MTRR: variants seen among roughly 807,000 people sequenced by gnomAD.
MTRR encodes methionine synthase reductase.
MTRR carries 63 observed loss-of-function variants against 79.2 expected under a neutral mutation model. The observed-to-expected ratio is 0.80, with a 90% CI of 0.65 to 0.98. MTRR has a LOEUF of 0.98. Among genes scored for constraint, MTRR ranks in the 50% least tolerant of loss-of-function variants. The pLI is 0.00. For missense variants in MTRR, 895 were observed against 839.6 expected (o/e 1.07, Z -0.82); for synonymous variants, 355 against 313.3 (o/e 1.13, Z -1.41).
chr5:7,883,785 C>T (rs545656663), intron 6 of MTRR, among the ~76,000 whole-genome samples: 1 of 152,214 alleles, frequency 6.6e-6, no homozygotes, highest in Admixed American at 6.5e-5. Context: ...CTGGCTTACT[C>T]AATAAGCCAT....
At chr5:7,879,975 A>AC (rs1173902461) in intron 5 of MTRR, among the ~76,000 whole-genome samples, 4 of 152,188 alleles carry the variant, frequency 2.6e-5, no homozygotes, top group African/African-American at 4.8e-5. Context: ...GGAATGTGCT[A>AC]CCCACAGATC....
intron 1 of MTRR, among the ~76,000 whole-genome samples, chr5:7,853,788 C>T (rs1304446082): frequency 6.6e-6 from 1 of 152,222 alleles, no homozygotes; most frequent in Non-Finnish European, 1.5e-5. Context: ...ACCACTGCCC[C>T]AGGGCCTCAC....
chr5:7,868,473 T>A (rs1747231922), upstream of MTRR, among the ~76,000 whole-genome samples: 1 of 152,160 alleles, frequency 6.6e-6, no homozygotes, highest in Admixed American at 6.5e-5. Context: ...GCAATGTAGC[T>A]CTTAAGGGTG....
intron 4 of MTRR, among the ~76,000 whole-genome samples, chr5:7,875,854 G>A (rs1434817639): frequency 1.3e-5 from 2 of 152,204 alleles, no homozygotes; most frequent in East Asian, 1.9e-4. Flanking sequence ...ACGGCCATTT[G>A]CCACCATGCC....
At chr5:7,881,161 G>A (rs1579685870) in intron 5 of MTRR, among the ~76,000 whole-genome samples, 2 of 152,006 alleles carry the variant, frequency 1.3e-5, no homozygotes, top group African/African-American at 4.8e-5. Context: ...TTTGTGGGCT[G>A]CCCATTTTTT....
At chr5:7,894,538 T>A (rs1738176831) in intron 11 of MTRR, among the ~76,000 whole-genome samples, 1 of 152,188 alleles carries the variant, frequency 6.6e-6, no homozygotes. Flanking sequence ...TGTCACAGGA[T>A]CTTTGTACAT....
intron 1 of MTRR, 159 bp downstream of exon 1, chr5:7,869,374 C>G (rs1374641225): frequency 2.7e-6 from 2 of 749,690 alleles, no homozygotes; most frequent in East Asian, 2.7e-5. Flanking sequence ...GGCTGGGGCT[C>G]GGACTTGGCC....
At position 7,857,850 on chromosome 5, in the gene MTRR, G is replaced by A. The variant is rs1746295984; in HGVS notation, n.392-4101G>A. ...AAATGAGACAGGATCAGCAGAGGCT[G>A]TAAGTGAAAACTGCAGAAGGAGGAG... On this transcript the variant is annotated intron_variant and non_coding_transcript_variant, in intron 1 of 3. Transcript: ENST00000502509. Among the ~76,000 whole-genome samples the A allele has an allele frequency of 3.3e-5, 5 of 152,348 alleles. No individual in the cohort carries two copies. In the South Asian group the frequency reaches 1.0e-3, roughly 32 times the overall value.
chr5:7,875,221 C>T (rs1748672057), intron 3 of MTRR, 37 bp from the exon 4 acceptor site: 1 of 1,378,980 alleles, frequency 7.3e-7, no homozygotes, highest in South Asian at 1.2e-5. Context: ...TAAATTTAAA[C>T]TTTATTGTGC....
chr5:7,873,592 T>A, intron 3 of MTRR, 66 bp downstream of exon 3: 4 of 1,549,282 alleles, frequency 2.6e-6, no homozygotes, highest in Non-Finnish European at 3.6e-6. Flanking sequence ...CTGAATTATC[T>A]TTCAGAACTA....
At chr5:7,877,703 C>T (rs527994924) in intron 4 of MTRR, among the ~76,000 whole-genome samples, 1 of 152,214 alleles carries the variant, frequency 6.6e-6, no homozygotes, top group Non-Finnish European at 1.5e-5. Context: ...ATCTTCCTAT[C>T]CCTCTTCATT....
At chr5:7,863,338 G>C (rs534474891) in intron 2 of MTRR, 65 of 257,966 alleles carry the variant, frequency 2.5e-4, no homozygotes, top group African/African-American at 1.5e-3. Flanking sequence ...TTAGAACTGA[G>C]AATTGTCCCA....
In MTRR at chr5:7,897,373, G is replaced by A. The variant is rs1738718707; in HGVS notation, c.1952+126G>A. On this transcript the variant is annotated intron_variant, in intron 14 of 14. Coordinates refer to ENST00000440940, the MANE Select transcript of MTRR (RefSeq NM_002454.3). ...TAAGACATTTGATTCTTAAGTACAG[G>A]AATAGAAATAACAGTTCTGAAATGA... The A allele has an allele frequency of 3.1e-6, 3 of 975,952 alleles. No homozygotes were observed. In the Admixed American group the frequency reaches 5.8e-5, roughly 19 times the overall value. 60.5% of individuals were successfully genotyped at this position (975,952 alleles called of 1,614,324 possible).
intron 11 of MTRR, 93 bp downstream of exon 11, chr5:7,893,006 C>T (rs1013830890): frequency 1.1e-4 from 162 of 1,409,312 alleles, no homozygotes; most frequent in Non-Finnish European, 1.4e-4. Context: ...TCATTCATTA[C>T]TGTCATAAGA....
Position 7,895,837 on chromosome 5 carries a change from G to A in MTRR, c.1661G>A (p.Gly554Glu). 6.2e-7 allele frequency: 1 copy of A among 1,614,054 alleles called. No individual in the cohort carries two copies. Among genetic ancestry groups the A allele is most frequent in the Non-Finnish European group, 8.5e-7 (1 of 1,179,970 alleles). ...GGAACCGGCATAGCCCCGTTTATTG[G>A]GTTCCTACAACATAGGTATGTTCTT... ...GPGTGIAPFI[G>E]FLQHREKLQE... Residue 554 changes from glycine to glutamate, a missense_variant, in exon 12 of 15, where the codon GGG becomes GAG. Gly to Glu is a moderately conservative substitution (Grantham distance 98). Coordinates refer to ENST00000440940, the MANE Select transcript of MTRR (RefSeq NM_002454.3).
At chr5:7,887,762 GTGTA>G (rs1395299726) in intron 8 of MTRR, among the ~76,000 whole-genome samples, 5 of 142,358 alleles carry the variant, frequency 3.5e-5, no homozygotes, top group South Asian at 2.2e-4. Flanking sequence ...ATATATGTGT[GTGTA>G]TGTATATATT....
intron 3 of MTRR, among the ~76,000 whole-genome samples, chr5:7,874,551 A>G (rs76730653): frequency 0.04 from 6,048 of 151,786 alleles, 275 homozygotes; most frequent in East Asian, 0.21. Flanking sequence ...TTGTAGAGAA[A>G]GAACATGGAG....
upstream of MTRR, chr5:7,868,849 A>G: frequency 1.9e-6 from 1 of 532,918 alleles, no homozygotes; most frequent in East Asian, 3.3e-5. Flanking sequence ...CGGGGCGAGC[A>G]CCCCCAAACT....
Position 7,900,251 on chromosome 5 carries a change from C to A in MTRR, c.*193C>A. ...TTTGATTTTACGTATCTTCTATCTA[C>A]GCCCTTCCTGTGCCTGTGACTCTCC... is the stretch of plus-strand genomic sequence containing the variant. On this transcript the variant is annotated 3_prime_UTR_variant, in exon 15 of 15. Coordinates refer to ENST00000440940, the MANE Select transcript of MTRR (RefSeq NM_002454.3). 2 of 646,982 alleles carry A rather than the reference C, an allele frequency of 3.1e-6. No homozygotes were observed. The highest frequency in any genetic ancestry group is 5.1e-6 in the Non-Finnish European group (2 of 393,404). 40.1% of individuals were successfully genotyped at this position (646,982 alleles called of 1,614,324 possible). A position where few individuals can be genotyped will look rare whatever the true frequency, so the allele number is the denominator to read the frequency against.
Sources: allele counts gnomAD v4.1 joint callset (sites outside exome capture counted in the v4.1 genomes callset), GRCh38; gene constraint gnomAD v4.1.1; transcripts MANE v1.5; gene names NCBI Gene and HGNC (gene_info 2026-07-23, HGNC 2026-07-21).